PTPRK: variants seen among roughly 807,000 people sequenced by gnomAD.
PTPRK encodes the protein protein tyrosine phosphatase receptor type K, also known as receptor-type tyrosine-protein phosphatase kappa.
A neutral mutation model predicts 178.0 loss-of-function variants in PTPRK; 75 were observed. The observed-to-expected ratio is 0.42, with a 90% CI of 0.35 to 0.51. The LOEUF (loss-of-function observed/expected upper bound fraction) is 0.51, where lower values mean the gene tolerates loss of function less well. Ranked by LOEUF, PTPRK falls within the 20% of genes least tolerant of loss-of-function variation. The probability of loss-of-function intolerance (pLI) is 0.02; values close to 1 mark genes in which losing one functional copy is unlikely to be tolerated. For synonymous variants in PTPRK, 637 were observed against 620.6 expected (o/e 1.03, Z -0.39); for missense variants, 1,441 against 1,797.8 (o/e 0.80, Z 3.59).
At chr6:128,321,997 T>G (rs1443127636) in intron 3 of PTPRK, 42 bp downstream of exon 3, 26 of 1,612,168 alleles carry the variant, frequency 1.6e-5, no homozygotes, top group Non-Finnish European at 2.0e-5. Flanking sequence ...TAGTGAGAAC[T>G]GATGACATCA....
At chr6:128,265,116 T>C (rs1818747225) in intron 3 of PTPRK, among the ~76,000 whole-genome samples, 1 of 152,094 alleles carries the variant, frequency 6.6e-6, no homozygotes, top group South Asian at 2.1e-4. Context: ...TCACATCTTA[T>C]AGATACTAAA....
At chr6:128,039,956 A>T (rs1776891821) in intron 13 of PTPRK, among the ~76,000 whole-genome samples, 1 of 152,196 alleles carries the variant, frequency 6.6e-6, no homozygotes, top group African/African-American at 2.4e-5. Flanking sequence ...GACATATTCA[A>T]GGGATGGTTG....
chr6:127,995,747 A>T (rs1777078465), intron 17 of PTPRK, among the ~76,000 whole-genome samples: 1 of 152,052 alleles, frequency 6.6e-6, no homozygotes, highest in Non-Finnish European at 1.5e-5. Context: ...CACTGACTTG[A>T]ACCTTCATAG....
At chr6:128,211,291 CT>C (rs35180910) in intron 6 of PTPRK, among the ~76,000 whole-genome samples, 1 of 152,060 alleles carries the variant, frequency 6.6e-6, no homozygotes, top group African/African-American at 2.4e-5. Flanking sequence ...CAATATTTCC[CT>C]TTTTTTCTAA....
chr6:128,364,499 G>A (rs866460734), intron 2 of PTPRK, among the ~76,000 whole-genome samples: 4 of 151,954 alleles, frequency 2.6e-5, no homozygotes, highest in Admixed American at 6.6e-5. Context: ...TCAGTTTATT[G>A]TCATGAATAT....
At chr6:128,398,487 C>A (rs746762641) in intron 1 of PTPRK, among the ~76,000 whole-genome samples, 1 of 152,084 alleles carries the variant, frequency 6.6e-6, no homozygotes, top group African/African-American at 2.4e-5. Flanking sequence ...GAGTCTAAAT[C>A]GTTTTTAGTA....
At chr6:128,145,435 TG>T (rs1391312973) in intron 7 of PTPRK, among the ~76,000 whole-genome samples, 1 of 152,166 alleles carries the variant, frequency 6.6e-6, no homozygotes, top group Non-Finnish European at 1.5e-5. Flanking sequence ...ATGTCAATCT[TG>T]CTTCAATAAT....
chr6:128,268,671 T>C (rs1036209482), intron 3 of PTPRK, among the ~76,000 whole-genome samples: 12 of 152,072 alleles, frequency 7.9e-5, no homozygotes, highest in African/African-American at 2.7e-4. Flanking sequence ...TGTTTTACAA[T>C]CTCTAAAACA....
intron 1 of PTPRK, among the ~76,000 whole-genome samples, chr6:128,481,297 T>C (rs1026474227): frequency 5.9e-5 from 9 of 152,292 alleles, no homozygotes; most frequent in African/African-American, 2.2e-4. Flanking sequence ...TTCCCTTACC[T>C]CATTGCCAAG....
At chr6:128,327,895 G>A (rs539753885) in intron 2 of PTPRK, among the ~76,000 whole-genome samples, 12 of 152,272 alleles carry the variant, frequency 7.9e-5, no homozygotes, top group African/African-American at 2.4e-4. Flanking sequence ...TGCAGCTCAC[G>A]GGAAGATAAA....
intron 1 of PTPRK, among the ~76,000 whole-genome samples, chr6:128,415,087 G>A (rs764667753): frequency 3.3e-5 from 5 of 151,990 alleles, no homozygotes; most frequent in Admixed American, 6.6e-5. Context: ...ATGACATCGC[G>A]GAATGAAGAA....
Position 128,520,529 on chromosome 6 carries a change from AAGCGTCGCC to A in PTPRK, c.-180_-172del, listed in dbSNP as rs1254113705. On this transcript the variant is annotated 5_prime_UTR_variant, in exon 1 of 30. Coordinates refer to ENST00000368226, the MANE Select transcript of PTPRK (RefSeq NM_002844.4). The stretch of plus-strand genomic sequence containing the variant: ...GGTCGCCAAACTACCTCAGGGGCGA[AAGCGTCGCC>A]AGCGTCGCCGGCCGGCCGCGGCGGC... The A allele has an allele frequency of 5.0e-6, 3 of 602,320 alleles. No homozygotes were observed. The highest frequency in any genetic ancestry group is 5.8e-5 in the East Asian group (2 of 34,440). 37.3% of individuals were successfully genotyped at this position (602,320 alleles called of 1,614,324 possible). A position where few individuals can be genotyped will look rare whatever the true frequency, so the allele number is the denominator to read the frequency against.
intron 3 of PTPRK, among the ~76,000 whole-genome samples, chr6:128,287,177 T>A (rs2128305258): frequency 6.6e-6 from 1 of 152,248 alleles, no homozygotes; most frequent in South Asian, 2.1e-4. Flanking sequence ...AAGTGCTAGA[T>A]CCTATTTAGG....
intron 13 of PTPRK, among the ~76,000 whole-genome samples, chr6:128,020,862 G>C (rs1330699983): frequency 6.6e-6 from 1 of 152,166 alleles, no homozygotes; most frequent in Non-Finnish European, 1.5e-5. Context: ...TTCCACCAAG[G>C]CTTCGATAAT....
chr6:127,980,765 C>A (rs7758521), intron 25 of PTPRK, among the ~76,000 whole-genome samples: 4,988 of 152,104 alleles, frequency 0.033, 290 homozygotes, highest in African/African-American at 0.11. Flanking sequence ...TAGGATTTGG[C>A]ATTCTGTGAT....
At chr6:128,403,261 G>A (rs1841251341) in intron 1 of PTPRK, among the ~76,000 whole-genome samples, 2 of 152,146 alleles carry the variant, frequency 1.3e-5, no homozygotes, top group African/African-American at 4.8e-5. Flanking sequence ...CAATAAGACT[G>A]AATTATCCAG....
At chr6:128,208,635 A>G (rs199694926) in intron 6 of PTPRK, among the ~76,000 whole-genome samples, 4 of 152,280 alleles carry the variant, frequency 2.6e-5, no homozygotes, top group South Asian at 4.1e-4. Context: ...TAAATTTTCC[A>G]TTTAGTTAAA....
At position 128,022,233 on chromosome 6, in the gene PTPRK, A is replaced by C. The variant is rs74710253; in HGVS notation, c.2195-12965T>G. ...AAGTGCCTGTTAGTGGCACAGTTGG[A>C]TCTCTCATACTCCTTTCTTCTTTAT... On this transcript the variant is annotated intron_variant, in intron 13 of 29. Transcript: ENST00000368226. Among the ~76,000 whole-genome samples, 930 of 152,206 alleles carry C rather than the reference A, an allele frequency of 6.1e-3. 8 individuals are homozygous for C. The highest frequency in any genetic ancestry group is 0.012 in the South Asian group (58 of 4,816).
intron 7 of PTPRK, among the ~76,000 whole-genome samples, chr6:128,096,579 C>T (rs1384349718): frequency 2.0e-5 from 3 of 152,046 alleles, no homozygotes; most frequent in Non-Finnish European, 4.4e-5. Flanking sequence ...ATGCAGCTGT[C>T]AGTCAGAGAA....
Sources: gnomAD v4.1 joint callset for allele counts (sites outside exome capture counted in the v4.1 genomes callset) on GRCh38, gnomAD v4.1.1 for gene constraint, MANE v1.5 for transcripts, NCBI Gene and HGNC (gene_info 2026-07-23, HGNC 2026-07-21) for gene names.